The following PTP4A3 variants were observed in gnomAD, a reference collection of about 807,000 sequenced individuals.
PTP4A3 encodes the protein protein tyrosine phosphatase type IVA 3.
A neutral mutation model predicts 15.2 loss-of-function variants in PTP4A3; 9 were observed. The ratio of observed to expected loss-of-function variants is 0.59; its 90% CI spans 0.36 to 1.03. The LOEUF is 1.03. PTP4A3 is among the 50% of genes least tolerant of loss of function. The pLI, the probability that PTP4A3 is intolerant of heterozygous loss-of-function variation, is 0.02. For missense variants in PTP4A3, 234 were observed against 252.1 expected (o/e 0.93, Z 0.49); for synonymous variants, 95 against 102.0 (o/e 0.93, Z 0.41).
intron 1 of PTP4A3, among the ~76,000 whole-genome samples, chr8:141,399,710 G>C (rs1450585593): frequency 6.6e-6 from 1 of 152,230 alleles, no homozygotes; most frequent in Non-Finnish European, 1.5e-5. Flanking sequence ...TGGATGGACG[G>C]GGTCCTGGTG....
intron 1 of PTP4A3, among the ~76,000 whole-genome samples, chr8:141,418,454 G>A (rs76808808): frequency 0.087 from 13,283 of 152,272 alleles, 683 homozygotes; most frequent in Middle Eastern, 0.19. Context: ...TGGACGCCTG[G>A]TGTGGCCCTG....
At chr8:141,404,266 C>A (rs1396103843) in intron 1 of PTP4A3, among the ~76,000 whole-genome samples, 3 of 152,292 alleles carry the variant, frequency 2.0e-5, no homozygotes, top group African/African-American at 7.2e-5. Flanking sequence ...ATTTGAGGAG[C>A]TGCTGTACTT....
intron 1 of PTP4A3, among the ~76,000 whole-genome samples, chr8:141,419,127 G>A (rs1158865280): frequency 6.6e-6 from 1 of 152,142 alleles, no homozygotes; most frequent in Non-Finnish European, 1.5e-5. Context: ...GGCATCCTTA[G>A]GCCTTCAGTG....
chr8:141,409,935 T>C (rs1003524970), intron 1 of PTP4A3, among the ~76,000 whole-genome samples: 3 of 152,300 alleles, frequency 2.0e-5, no homozygotes, highest in African/African-American at 7.2e-5. Flanking sequence ...CAGTCTGGCC[T>C]TGGCTGTTGT....
intron 1 of PTP4A3, among the ~76,000 whole-genome samples, chr8:141,420,712 G>A (rs942814084): frequency 6.6e-6 from 1 of 152,258 alleles, no homozygotes; most frequent in Non-Finnish European, 1.5e-5. Context: ...GCTGAGACCT[G>A]TGTGAGCAGT....
rs1833856536 is a variant in PTP4A3 at position 141,431,149 on chromosome 8, C to A, written c.*105C>A. On this transcript the variant is annotated 3_prime_UTR_variant, in exon 6 of 6. Coordinates refer to ENST00000521578, the MANE Select transcript of PTP4A3 (RefSeq NM_032611.3). ...GCCCAGCCCAGCAGGGGCTCCAGGCCTTGGCTGGCCCCACATCGCCTTTTC... is the reference window on the plus strand; with the variant it reads ...GCCCAGCCCAGCAGGGGCTCCAGGCATTGGCTGGCCCCACATCGCCTTTTC... 1.8e-6 allele frequency: 2 copies of A among 1,094,004 alleles called. No individual in the cohort carries two copies. Among genetic ancestry groups the A allele is most frequent in the Non-Finnish European group, 2.7e-6 (2 of 735,230 alleles). The allele number at this position is 1,094,004 out of a possible 1,614,324, so 67.8% of individuals were successfully genotyped here. A position where few individuals can be genotyped will look rare whatever the true frequency, so the allele number is the denominator to read the frequency against.
intron 1 of PTP4A3, among the ~76,000 whole-genome samples, chr8:141,417,356 C>T (rs1189621967): frequency 1.3e-5 from 2 of 152,112 alleles, no homozygotes; most frequent in Admixed American, 6.5e-5. Flanking sequence ...GTGTCTGGCA[C>T]GGTGGGTGCT....
chr8:141,404,821 G>A (rs1188668496), intron 1 of PTP4A3, among the ~76,000 whole-genome samples: 5 of 152,220 alleles, frequency 3.3e-5, no homozygotes, highest in East Asian at 1.9e-4. Flanking sequence ...GCTCCCTCCC[G>A]CACCTACCTG....
At chr8:141,398,502 G>A (rs1442691165) in intron 1 of PTP4A3, among the ~76,000 whole-genome samples, 4 of 152,170 alleles carry the variant, frequency 2.6e-5, no homozygotes, top group South Asian at 4.1e-4. Flanking sequence ...CTAGAGTGAG[G>A]TGGTGAGGTG....
chr8:141,403,726 C>T (rs1222609123), intron 1 of PTP4A3, among the ~76,000 whole-genome samples: 1 of 152,180 alleles, frequency 6.6e-6, no homozygotes, highest in Admixed American at 6.5e-5. Context: ...AATTGCTTCC[C>T]CAGCTTTCCG....
At position 141,422,294 on chromosome 8, in the gene PTP4A3, C is replaced by A; in HGVS notation, c.54C>A (p.Arg18=). Residue 18 remains arginine, a synonymous_variant, in exon 2 of 6, where the codon CGC becomes CGA. Coordinates refer to ENST00000521578, the MANE Select transcript of PTP4A3 (RefSeq NM_032611.3). ...TGGAGGTGAGCTACAAACACATGCG[C>A]TTCCTCATCACCCACAACCCCACCA... ...APVEVSYKHM[R]FLITHNPTNA... is the part of the protein sequence containing the mutation. 6.2e-7 allele frequency: 1 copy of A among 1,613,420 alleles called. No individual in the cohort carries two copies. Among genetic ancestry groups the A allele is most frequent in the Non-Finnish European group, 8.5e-7 (1 of 1,180,002 alleles).
intron 5 of PTP4A3, among the ~76,000 whole-genome samples, chr8:141,428,747 TACAG>T (rs1476936692): frequency 2.6e-5 from 4 of 152,176 alleles, no homozygotes; most frequent in Non-Finnish European, 5.9e-5. Context: ...ATGGGGGTCA[TACAG>T]GCACACATTC....
In PTP4A3 at chr8:141,422,277, A is replaced by C; in HGVS notation, c.37A>C (p.Ser13Arg). 6.2e-7 allele frequency: 1 copy of C among 1,613,164 alleles called. No homozygotes were observed. The highest frequency in any genetic ancestry group is 8.5e-7 in the Non-Finnish European group (1 of 1,179,988). The change falls in exon 2 of 6, where the codon AGC becomes CGC. Residue 13 changes from serine to arginine, a missense_variant. Physicochemically the swap from Ser to Arg is moderately radical, Grantham distance 110. Transcript: ENST00000521578. ...GAACCGCCCGGCCCCGGTGGAGGTG[A>C]GCTACAAACACATGCGCTTCCTCAT... is the stretch of plus-strand genomic sequence containing the variant. Reference protein sequence around the residue: ...RMNRPAPVEVSYKHMRFLITH... With the variant: ...RMNRPAPVEVRYKHMRFLITH...
At chr8:141,394,077 C>T (rs1215448519) in intron 1 of PTP4A3, among the ~76,000 whole-genome samples, 3 of 152,174 alleles carry the variant, frequency 2.0e-5, no homozygotes, top group African/African-American at 7.2e-5. Flanking sequence ...TCCCTCTCAC[C>T]GCCAGGGTGG....
chr8:141,408,110 C>T (rs375431441), intron 1 of PTP4A3, among the ~76,000 whole-genome samples: 6 of 152,040 alleles, frequency 3.9e-5, no homozygotes, highest in Admixed American at 2.0e-4. Flanking sequence ...AGGAACCAGG[C>T]GCAGAGGGCC....
At chr8:141,418,535 C>T (rs918557541) in intron 1 of PTP4A3, among the ~76,000 whole-genome samples, 4 of 152,196 alleles carry the variant, frequency 2.6e-5, no homozygotes, top group African/African-American at 4.8e-5. Flanking sequence ...TGGACTCTCC[C>T]TTAAAGGGTC....
intron 1 of PTP4A3, among the ~76,000 whole-genome samples, chr8:141,412,910 C>A (rs1832908363): frequency 6.6e-6 from 1 of 152,204 alleles, no homozygotes; most frequent in Admixed American, 6.5e-5. Context: ...GGGGTGGAGG[C>A]TTAGCCAGGC....
intron 1 of PTP4A3, among the ~76,000 whole-genome samples, chr8:141,398,387 G>A (rs1832503509): frequency 6.6e-6 from 1 of 152,200 alleles, no homozygotes; most frequent in African/African-American, 2.4e-5. Context: ...CAGCGTTGCT[G>A]ATGTGGGCAG....
At chr8:141,427,252 C>T (rs9987318) in intron 4 of PTP4A3, among the ~76,000 whole-genome samples, 183 bp downstream of exon 4, 57,951 of 152,090 alleles carry the variant, frequency 0.38, 12,656 homozygotes, top group Non-Finnish European at 0.49. Context: ...GGAAGTGCTT[C>T]CCAAAGTCTA....
Sources: gnomAD v4.1 joint callset for allele counts (sites outside exome capture counted in the v4.1 genomes callset) on GRCh38, gnomAD v4.1.1 for gene constraint, MANE v1.5 for transcripts, NCBI Gene and HGNC (gene_info 2026-07-23, HGNC 2026-07-21) for gene names.